The following TASP1 variants were observed in gnomAD, a reference collection of about 807,000 sequenced individuals.
TASP1 encodes taspase 1.
A neutral mutation model predicts 56.6 loss-of-function variants in TASP1; 16 were observed. The ratio of observed to expected loss-of-function variants is 0.28; its 90% CI spans 0.19 to 0.43. The LOEUF is 0.43. Among genes scored for constraint, TASP1 ranks in the 20% least tolerant of loss-of-function variants. The pLI is 1.00. For synonymous variants in TASP1, 179 were observed against 184.2 expected, an observed-to-expected ratio of 0.97 and a Z score of 0.23; for missense variants, 393 against 511.6, an observed-to-expected ratio of 0.77 and a Z score of 2.24.
At chr20:13,419,249 CTTAT>C (rs1177539977) in intron 12 of TASP1, among the ~76,000 whole-genome samples, 1 of 152,132 alleles carries the variant, frequency 6.6e-6, no homozygotes, top group Admixed American at 6.5e-5. Flanking sequence ...AAAAAATGCA[CTTAT>C]TTGTTTGTGT....
intron 10 of TASP1, among the ~76,000 whole-genome samples, chr20:13,500,987 G>GA (rs1240657876): frequency 2.0e-5 from 3 of 151,732 alleles, no homozygotes; most frequent in Middle Eastern, 3.2e-3. Flanking sequence ...AAACACATGG[G>GA]AAAAAAAGAT....
At chr20:13,533,268 G>A (rs1017364592) in intron 9 of TASP1, among the ~76,000 whole-genome samples, 15 of 152,134 alleles carry the variant, frequency 9.9e-5, no homozygotes, top group African/African-American at 3.1e-4. Flanking sequence ...CAACTACTCC[G>A]TGAGAATATC....
chr20:13,357,372 T>C, the TASP1 span, among the ~76,000 whole-genome samples: 1 of 152,192 alleles, frequency 6.6e-6, no homozygotes, highest in Non-Finnish European at 1.5e-5. Context: ...TTCCTTTATC[T>C]TCAGGATCAG....
Position 13,610,992 on chromosome 20 carries a change from C to T in TASP1, c.282+12454G>A, listed in dbSNP as rs145635612. On this transcript the variant is annotated intron_variant, in intron 4 of 13. Transcript: ENST00000337743. ...ATCCATGAGAGGCTACAAAAGCTAACCACTCTGGGGCTAGGATTCAACCCT... is the reference window on the plus strand; with the variant it reads ...ATCCATGAGAGGCTACAAAAGCTAATCACTCTGGGGCTAGGATTCAACCCT... 2.7e-3 allele frequency among the ~76,000 whole-genome samples: 405 copies of T among 152,218 alleles called. 1 individual carries two copies. The highest frequency in any genetic ancestry group is 4.4e-3 in the Non-Finnish European group (298 of 68,036).
At chr20:13,631,795 G>A (rs558126856) in intron 1 of TASP1, among the ~76,000 whole-genome samples, 2 of 152,270 alleles carry the variant, frequency 1.3e-5, no homozygotes, top group Admixed American at 6.5e-5. Context: ...GGCCAGGCGC[G>A]GTGGCTCACG....
the TASP1 span, chr20:13,237,863 A>C: frequency 6.6e-6 from 1 of 152,182 alleles, no homozygotes; most frequent in Admixed American, 6.5e-5. Context: ...TCTCCAAATT[A>C]GAATGAATGC....
At chr20:13,176,094 C>T in the TASP1 span, among the ~76,000 whole-genome samples, 1 of 151,988 alleles carries the variant, frequency 6.6e-6, no homozygotes, top group African/African-American at 2.4e-5. Flanking sequence ...ATTAGTGAAC[C>T]ATATAAAAGA....
intron 13 of TASP1, among the ~76,000 whole-genome samples, chr20:13,411,363 G>A (rs2042088619): frequency 6.6e-6 from 1 of 152,006 alleles, no homozygotes; most frequent in Admixed American, 6.6e-5. Context: ...AAATATCATT[G>A]GTATTTGGTC....
At chr20:13,231,186 C>T in the TASP1 span, among the ~76,000 whole-genome samples, 1 of 152,174 alleles carries the variant, frequency 6.6e-6, no homozygotes, top group Non-Finnish European at 1.5e-5. Context: ...AGCAACAATA[C>T]AGGAAGTCTC....
the TASP1 span, among the ~76,000 whole-genome samples, chr20:13,106,746 A>G: frequency 6.6e-6 from 1 of 152,192 alleles, no homozygotes; most frequent in African/African-American, 2.4e-5. Context: ...CCCAGGGCCA[A>G]CCTGAGACCA....
intron 13 of TASP1, among the ~76,000 whole-genome samples, chr20:13,399,678 T>G: frequency 6.6e-6 from 1 of 152,196 alleles, no homozygotes; most frequent in Non-Finnish European, 1.5e-5. Flanking sequence ...CACTCACCTC[T>G]ATGGCAACAA....
At chr20:13,391,039 G>A (rs62209011) in intron 13 of TASP1, among the ~76,000 whole-genome samples, 174 of 152,304 alleles carry the variant, frequency 1.1e-3, no homozygotes, top group Non-Finnish European at 1.4e-3. Flanking sequence ...TTTGGTACCC[G>A]TGCCAGAGGC....
chr20:13,409,355 C>T (rs1317088609), intron 13 of TASP1, among the ~76,000 whole-genome samples: 1 of 151,978 alleles, frequency 6.6e-6, no homozygotes, highest in African/African-American at 2.4e-5. Context: ...AAGTTTCCAA[C>T]TATGACTACA....
At chr20:13,595,569 T>C (rs1245061793) in intron 4 of TASP1, among the ~76,000 whole-genome samples, 1 of 152,084 alleles carries the variant, frequency 6.6e-6, no homozygotes, top group African/African-American at 2.4e-5. Context: ...AAGCAGGGGT[T>C]GCAATCCTAG....
the TASP1 span, among the ~76,000 whole-genome samples, chr20:13,253,323 T>C: frequency 8.0e-5 from 12 of 149,378 alleles, 1 homozygote; most frequent in East Asian, 1.6e-3. Context: ...GGTGTTATCA[T>C]AGGGGCATTC....
At chr20:13,582,313 G>A (rs1336382541) in intron 5 of TASP1, among the ~76,000 whole-genome samples, 1 of 151,572 alleles carries the variant, frequency 6.6e-6, no homozygotes, top group Non-Finnish European at 1.5e-5. Flanking sequence ...AACAATTTAT[G>A]TTATAAATGT....
At chr20:13,445,403 T>A (rs545423397) in intron 11 of TASP1, among the ~76,000 whole-genome samples, 7 of 152,318 alleles carry the variant, frequency 4.6e-5, no homozygotes, top group Non-Finnish European at 1.0e-4. Flanking sequence ...TTGAAATTCA[T>A]AAAGCAGTCT....
chr20:13,116,686 T>C, the TASP1 span, among the ~76,000 whole-genome samples: 1 of 152,106 alleles, frequency 6.6e-6, no homozygotes, highest in Non-Finnish European at 1.5e-5. Flanking sequence ...TACAATATCA[T>C]GAAAAATAAA....
At chr20:13,348,357 G>A in the TASP1 span, among the ~76,000 whole-genome samples, 17 of 152,318 alleles carry the variant, frequency 1.1e-4, no homozygotes, top group South Asian at 1.5e-3. Context: ...GTGGCCAAAT[G>A]TTGGTGACTG....
Sources: allele counts gnomAD v4.1 joint callset (sites outside exome capture counted in the v4.1 genomes callset), GRCh38; gene constraint gnomAD v4.1.1; transcripts MANE v1.5; gene names NCBI Gene and HGNC (gene_info 2026-07-23, HGNC 2026-07-21).